Variants in CNTNAP2 observed in about 807,000 individuals in gnomAD.
CNTNAP2 encodes the protein contactin-associated protein-like 2.
CNTNAP2 carries 98 observed loss-of-function variants against 155.2 expected under a neutral mutation model. That is an observed-to-expected ratio of 0.63 (90% CI 0.54 to 0.75). CNTNAP2 has a LOEUF of 0.75. Ranked by LOEUF, CNTNAP2 falls within the 30% of genes least tolerant of loss-of-function variation. The pLI, the probability that CNTNAP2 is intolerant of heterozygous loss-of-function variation, is 0.00. For missense variants in CNTNAP2, 1,727 were observed against 1,688.1 expected, an observed-to-expected ratio of 1.02 and a Z score of -0.40; for synonymous variants, 651 against 631.2, an observed-to-expected ratio of 1.03 and a Z score of -0.47.
chr7:146,376,062 G>A (rs920101116), intron 1 of CNTNAP2, among the ~76,000 whole-genome samples: 1 of 152,076 alleles, frequency 6.6e-6, no homozygotes, highest in African/African-American at 2.4e-5. Context: ...AGGGTATCTT[G>A]CTACCTCTCC....
chr7:146,513,812 T>G (rs1797502502), intron 1 of CNTNAP2, among the ~76,000 whole-genome samples: 1 of 152,010 alleles, frequency 6.6e-6, no homozygotes, highest in African/African-American at 2.4e-5. Flanking sequence ...TAACTGCATA[T>G]TAGTGTCTTT....
At chr7:146,410,186 C>T (rs1184998862) in intron 1 of CNTNAP2, among the ~76,000 whole-genome samples, 1 of 152,144 alleles carries the variant, frequency 6.6e-6, no homozygotes, top group African/African-American at 2.4e-5. Context: ...CTAGAGCAAG[C>T]TTGGGCAAAT....
chr7:147,779,822 T>TTTCCTTATAGGAAA (rs1350122153), intron 13 of CNTNAP2, among the ~76,000 whole-genome samples: 12 of 152,228 alleles, frequency 7.9e-5, no homozygotes, highest in Admixed American at 7.9e-4. Context: ...TTTCAACTAG[T>TTTCCTTATAGGAAA]TTCCTTATAT....
intron 1 of CNTNAP2, among the ~76,000 whole-genome samples, chr7:146,606,087 T>C (rs967937435): frequency 2.6e-5 from 4 of 152,198 alleles, no homozygotes; most frequent in African/African-American, 9.6e-5. Context: ...TTGATTGCAG[T>C]CATAAATTTG....
Position 146,332,941 on chromosome 7 carries a change from ATT to A in CNTNAP2, c.97+215990_97+215991del, listed in dbSNP as rs4016094. 6.9e-3 allele frequency among the ~76,000 whole-genome samples: 707 copies of A among 102,430 alleles called. 3 individuals carry two copies. Among genetic ancestry groups the A allele is most frequent in the African/African-American group, 0.024 (673 of 27,950 alleles). The allele number at this position is 102,430 out of a possible 152,430, so 67.2% of individuals were successfully genotyped here. On this transcript the variant is annotated intron_variant, in intron 1 of 23. Coordinates refer to ENST00000361727, the MANE Select transcript of CNTNAP2 (RefSeq NM_014141.6). ...AATTTCTTCTTCTTTTTCTTCTTCT[ATT>A]TTTTTTTTTTTTTTTTTTTTTGACA...
intron 18 of CNTNAP2, among the ~76,000 whole-genome samples, chr7:148,197,392 A>C (rs1168850749): frequency 6.6e-6 from 1 of 152,200 alleles, no homozygotes; most frequent in African/African-American, 2.4e-5. Context: ...TATATTAAAA[A>C]CAAAATAGTC....
chr7:147,008,457 A>G (rs2129243066), intron 3 of CNTNAP2, among the ~76,000 whole-genome samples: 1 of 152,260 alleles, frequency 6.6e-6, no homozygotes, highest in East Asian at 1.9e-4. Flanking sequence ...ATTTTAGGAA[A>G]TGGAAAAAAT....
intron 14 of CNTNAP2, among the ~76,000 whole-genome samples, chr7:147,955,546 G>T (rs1477656248): frequency 6.6e-6 from 1 of 152,112 alleles, no homozygotes; most frequent in Non-Finnish European, 1.5e-5. Context: ...CCCCTGAAAG[G>T]TATTCAGAAC....
At chr7:146,992,149 T>C (rs1221509969) in intron 3 of CNTNAP2, among the ~76,000 whole-genome samples, 1 of 152,156 alleles carries the variant, frequency 6.6e-6, no homozygotes, top group Non-Finnish European at 1.5e-5. Context: ...TAGATAATCA[T>C]ATTTAGAAAC....
intron 1 of CNTNAP2, among the ~76,000 whole-genome samples, chr7:146,134,305 T>A (rs1797763647): frequency 6.8e-6 from 1 of 146,476 alleles, no homozygotes; most frequent in African/African-American, 2.5e-5. Context: ...TTAAGGAGAT[T>A]TTGGGCTGAG....
chr7:146,781,086 G>A (rs1304757746), intron 2 of CNTNAP2, among the ~76,000 whole-genome samples: 1 of 151,950 alleles, frequency 6.6e-6, no homozygotes, highest in Non-Finnish European at 1.5e-5. Context: ...GAATTAGCCG[G>A]GCGTGGTGGC....
At chr7:147,734,457 G>A (rs1248426530) in intron 13 of CNTNAP2, among the ~76,000 whole-genome samples, 1 of 152,150 alleles carries the variant, frequency 6.6e-6, no homozygotes, top group East Asian at 1.9e-4. Context: ...TGTTCATCAG[G>A]GATATTGGTC....
intron 3 of CNTNAP2, among the ~76,000 whole-genome samples, chr7:147,015,091 T>G (rs1407839813): frequency 1.5e-5 from 2 of 137,132 alleles, no homozygotes; most frequent in Admixed American, 7.1e-5. Context: ...GACACAGTGG[T>G]TTTTTTTTTT....
chr7:148,183,475 C>CTTTTTTTTTTTT (rs71527885), intron 18 of CNTNAP2, among the ~76,000 whole-genome samples: 2 of 82,256 alleles, frequency 2.4e-5, no homozygotes, highest in Non-Finnish European at 4.4e-5. Context: ...TACTTATTTG[C>CTTTTTTTTTTTT]TTTTTTTTTT....
At position 146,829,333 on chromosome 7, in the gene CNTNAP2, T is replaced by TA. The variant is rs71525975; in HGVS notation, c.209-10368dup. 4.5e-3 allele frequency among the ~76,000 whole-genome samples: 664 copies of TA among 148,246 alleles called. 2 individuals are homozygous for TA. Among genetic ancestry groups the TA allele is most frequent in the African/African-American group, 6.9e-3 (281 of 40,640 alleles). On this transcript the variant is annotated intron_variant, in intron 2 of 23. Coordinates refer to ENST00000361727, the MANE Select transcript of CNTNAP2 (RefSeq NM_014141.6). Reference sequence around the variant, plus strand: ...TTATGTCTGGATATTATCAGCACTGTAAAAAAAAAAGTTCTAATAACTTTT... The same window carrying TA: ...TTATGTCTGGATATTATCAGCACTGTAAAAAAAAAAAGTTCTAATAACTTTT...
chr7:146,204,218 A>G (rs1199366134), intron 1 of CNTNAP2, among the ~76,000 whole-genome samples: 1 of 152,148 alleles, frequency 6.6e-6, no homozygotes, highest in Non-Finnish European at 1.5e-5. Context: ...AAAAGAAATG[A>G]CAGACTCTAA....
At chr7:147,208,851 T>A (rs1803076207) in intron 8 of CNTNAP2, among the ~76,000 whole-genome samples, 1 of 151,950 alleles carries the variant, frequency 6.6e-6, no homozygotes, top group East Asian at 1.9e-4. Flanking sequence ...TTCAAATTAG[T>A]CACATTAAAG....
At chr7:146,822,296 G>A (rs566412309) in intron 2 of CNTNAP2, among the ~76,000 whole-genome samples, 2 of 152,062 alleles carry the variant, frequency 1.3e-5, no homozygotes, top group South Asian at 4.2e-4. Flanking sequence ...ACAGGAAGGG[G>A]AACATCACAC....
chr7:147,702,313 A>G (rs1054118182), intron 13 of CNTNAP2, among the ~76,000 whole-genome samples: 2 of 152,076 alleles, frequency 1.3e-5, no homozygotes, highest in African/African-American at 4.8e-5. Flanking sequence ...AGTTCTAGCA[A>G]TGAAAGTCTT....
Sources: allele counts gnomAD v4.1 joint callset (sites outside exome capture counted in the v4.1 genomes callset), GRCh38; gene constraint gnomAD v4.1.1; transcripts MANE v1.5; gene names NCBI Gene and HGNC (gene_info 2026-07-23, HGNC 2026-07-21).